OCM: variants seen among roughly 807,000 people sequenced by gnomAD.
OCM encodes oncomodulin-1.
In OCM, 18 loss-of-function variants were observed where a neutral mutation model predicts 14.1. The observed-to-expected ratio is 1.28, with a 90% CI of 0.88 to 1.89. The LOEUF (loss-of-function observed/expected upper bound fraction) is 1.89. OCM is among the 40% of genes most tolerant of loss of function. The probability of loss-of-function intolerance (pLI) is 0.00; values close to 1 mark genes in which losing one functional copy is unlikely to be tolerated. For synonymous variants in OCM, 48 were observed against 51.0 expected, an observed-to-expected ratio of 0.94 and a Z score of 0.25; for missense variants, 140 against 137.6, an observed-to-expected ratio of 1.02 and a Z score of -0.09.
chr7:5,878,032 G>T (rs181996253), upstream of OCM, among the ~76,000 whole-genome samples: 1 of 149,296 alleles, frequency 6.7e-6, no homozygotes, highest in Non-Finnish European at 1.5e-5. Context: ...GTGCAGTGAC[G>T]TGATCTCGGC....
the OCM span, among the ~76,000 whole-genome samples, chr7:5,868,031 C>G: frequency 6.6e-6 from 1 of 152,118 alleles, no homozygotes; most frequent in African/African-American, 2.4e-5. Context: ...AGCCACCGCA[C>G]CCGGCATCTT....
chr7:5,879,811 A>G (rs1280122297), upstream of OCM: 2 of 150,006 alleles, frequency 1.3e-5, no homozygotes, highest in Admixed American at 6.7e-5. Flanking sequence ...AGCTGCATCC[A>G]CTTGATCCTT....
intron 1 of OCM, among the ~76,000 whole-genome samples, chr7:5,881,226 G>C (rs528763159): frequency 6.6e-6 from 1 of 151,354 alleles, no homozygotes; most frequent in African/African-American, 2.4e-5. Flanking sequence ...GGCTGAGGCA[G>C]AGAATTGCTT....
intron 1 of OCM, among the ~76,000 whole-genome samples, chr7:5,882,085 CAAAAAAAAAAAAAAA>C (rs60321561): frequency 2.2e-5 from 1 of 45,968 alleles, no homozygotes; most frequent in African/African-American, 9.4e-5. Context: ...GACTCTGTCT[CAAAAAAAAAAAAAAA>C]AAAAAAAAAA....
At chr7:5,877,922 A>G (rs1448714863), upstream of OCM, among the ~76,000 whole-genome samples, 1 of 151,810 alleles carries the variant, frequency 6.6e-6, no homozygotes, top group Admixed American at 6.6e-5. Context: ...TCTGAAAAAG[A>G]CAAATACTAT....
At chr7:5,864,966 G>A in the OCM span, among the ~76,000 whole-genome samples, 10 of 152,090 alleles carry the variant, frequency 6.6e-5, no homozygotes, top group Non-Finnish European at 1.5e-4. Context: ...GGGAAATAGA[G>A]TGTGATTTCC....
chr7:5,869,473 C>T, the OCM span, among the ~76,000 whole-genome samples: 1 of 152,076 alleles, frequency 6.6e-6, no homozygotes, highest in Admixed American at 6.6e-5. Flanking sequence ...TGGTGTGTGC[C>T]TGTAGTCCCC....
upstream of OCM, among the ~76,000 whole-genome samples, chr7:5,879,438 T>C (rs780010272): frequency 3.3e-5 from 5 of 152,138 alleles, no homozygotes; most frequent in East Asian, 9.6e-4. Flanking sequence ...TTGGTGACAA[T>C]GGCTTTGAGT....
At chr7:5,877,283 G>T (rs575498056), upstream of OCM, among the ~76,000 whole-genome samples, 2 of 151,596 alleles carry the variant, frequency 1.3e-5, no homozygotes, top group Non-Finnish European at 2.9e-5. Flanking sequence ...GGGCAACATC[G>T]TGAGGCCCCC....
At chr7:5,862,225 T>C in the OCM span, among the ~76,000 whole-genome samples, 1 of 152,202 alleles carries the variant, frequency 6.6e-6, no homozygotes, top group South Asian at 2.1e-4. Flanking sequence ...AAACTCACTA[T>C]GCCAAAGAGA....
the OCM span, among the ~76,000 whole-genome samples, chr7:5,865,801 C>G: frequency 6.6e-6 from 1 of 152,142 alleles, no homozygotes; most frequent in Non-Finnish European, 1.5e-5. Flanking sequence ...GTGAGTTTAA[C>G]TGTGCATTTA....
chr7:5,868,000 A>C, the OCM span, among the ~76,000 whole-genome samples: 1 of 151,944 alleles, frequency 6.6e-6, no homozygotes. Flanking sequence ...AGCCTCCCCA[A>C]GTTCTGGGAT....
chr7:5,877,303 A>G (rs1463961739), upstream of OCM, among the ~76,000 whole-genome samples: 12 of 148,798 alleles, frequency 8.1e-5, no homozygotes, highest in Admixed American at 2.7e-4. Context: ...CGTTTCTACC[A>G]AAAAAATACA....
chr7:5,881,877 A>T (rs1428328143), intron 1 of OCM, among the ~76,000 whole-genome samples: 3 of 151,950 alleles, frequency 2.0e-5, no homozygotes, highest in Non-Finnish European at 2.9e-5. Context: ...ACTTGAGGTC[A>T]GGAGTTCAAG....
the OCM span, among the ~76,000 whole-genome samples, chr7:5,869,068 C>CAAACA: frequency 4.1e-3 from 625 of 151,770 alleles, 3 homozygotes; most frequent in Middle Eastern, 0.014. Context: ...GTCTCAAAAA[C>CAAACA]AAACAAAACA....
chr7:5,875,675 C>G (rs1368431561), upstream of OCM, among the ~76,000 whole-genome samples: 3 of 152,022 alleles, frequency 2.0e-5, no homozygotes, highest in Non-Finnish European at 2.9e-5. Context: ...TGGTTTAACC[C>G]ATATGCTACT....
At chr7:5,884,165 A>G (rs1228020288) in intron 3 of OCM, among the ~76,000 whole-genome samples, 166 bp downstream of exon 3, 1 of 152,132 alleles carries the variant, frequency 6.6e-6, no homozygotes, top group Admixed American at 6.6e-5. Context: ...GATGCAAATG[A>G]TGTGTGTAAA....
the OCM span, chr7:5,871,798 A>G: frequency 6.6e-6 from 1 of 151,334 alleles, no homozygotes. Flanking sequence ...TGCAGTGGCT[A>G]TTCACAAGCA....
the OCM span, among the ~76,000 whole-genome samples, chr7:5,863,201 T>A: frequency 6.6e-6 from 1 of 152,102 alleles, no homozygotes; most frequent in Non-Finnish European, 1.5e-5. Flanking sequence ...CCTCCCTTCC[T>A]TTATCCCTCC....
Sources: gnomAD v4.1 joint callset for allele counts (sites outside exome capture counted in the v4.1 genomes callset) on GRCh38, gnomAD v4.1.1 for gene constraint, MANE v1.5 for transcripts, NCBI Gene and HGNC (gene_info 2026-07-23, HGNC 2026-07-21) for gene names.